Variants in DACH1 observed in about 807,000 individuals in gnomAD.
DACH1 encodes dachshund homolog 1.
Under a neutral mutation model 54.2 loss-of-function variants are expected in DACH1, and 12 were observed. That is an observed-to-expected ratio of 0.22 (90% CI 0.14 to 0.36). The LOEUF (loss-of-function observed/expected upper bound fraction) is 0.36, where lower values mean the gene tolerates loss of function less well. Among genes scored for constraint, DACH1 ranks in the 10% least tolerant of loss-of-function variants. DACH1 has a pLI of 1.00. For missense variants in DACH1, 805 were observed against 929.8 expected (o/e 0.87, Z 1.75); for synonymous variants, 386 against 366.2 (o/e 1.05, Z -0.62).
At chr13:71,453,123 G>A (rs908811737) in intron 10 of DACH1, among the ~76,000 whole-genome samples, 4 of 152,112 alleles carry the variant, frequency 2.6e-5, no homozygotes, top group Non-Finnish European at 5.9e-5. Context: ...GGGGTACTTT[G>A]CACTTAGGTT....
intron 6 of DACH1, among the ~76,000 whole-genome samples, chr13:71,546,652 A>T (rs1042523481): frequency 2.6e-5 from 4 of 151,990 alleles, no homozygotes; most frequent in African/African-American, 9.6e-5. Flanking sequence ...AATTAATTCA[A>T]TGAACTATCA....
At chr13:71,542,252 T>C (rs1883182730) in intron 6 of DACH1, among the ~76,000 whole-genome samples, 1 of 151,674 alleles carries the variant, frequency 6.6e-6, no homozygotes, top group Admixed American at 6.6e-5. Context: ...CCGTCTCAAA[T>C]AAATAAATAA....
chr13:71,659,965 T>C (rs1879385067), intron 2 of DACH1, among the ~76,000 whole-genome samples: 1 of 152,116 alleles, frequency 6.6e-6, no homozygotes, highest in African/African-American at 2.4e-5. Flanking sequence ...ATTATACAAT[T>C]TCAATTCAGT....
At chr13:71,679,348 G>A (rs1348919598) in intron 2 of DACH1, among the ~76,000 whole-genome samples, 1 of 152,100 alleles carries the variant, frequency 6.6e-6, no homozygotes, top group Admixed American at 6.5e-5. Flanking sequence ...ACTTGATGGT[G>A]TTAATTATGT....
At chr13:71,502,863 T>A (rs531626347) in intron 6 of DACH1, among the ~76,000 whole-genome samples, 23 of 152,348 alleles carry the variant, frequency 1.5e-4, no homozygotes, top group African/African-American at 5.3e-4. Flanking sequence ...GACTTCCCAT[T>A]GCACTTGGTG....
At chr13:71,443,720 G>A (rs914657402) in intron 10 of DACH1, among the ~76,000 whole-genome samples, 6 of 151,360 alleles carry the variant, frequency 4.0e-5, no homozygotes, top group African/African-American at 1.5e-4. Flanking sequence ...AGTCTAAAGG[G>A]ATTTTACCTC....
rs1341912982 is a variant in DACH1, at chr13:71,823,421, AT to A, written c.848+42500del. On this transcript the variant is annotated intron_variant, in intron 1 of 10. Coordinates refer to ENST00000613252, the MANE Select transcript of DACH1 (RefSeq NM_080759.6). ...CTTTAGAGAGCTATCGAGCTATGAA[AT>A]GAAAGGCCTCATAAAGACAAGTGAT... 3.3e-5 allele frequency among the ~76,000 whole-genome samples: 5 copies of A among 152,230 alleles called. No homozygotes were observed. The East Asian group carries it at 5.8e-4, about 18-fold the overall frequency.
chr13:71,462,324 T>A (rs984396511), intron 10 of DACH1, among the ~76,000 whole-genome samples: 2 of 151,906 alleles, frequency 1.3e-5, no homozygotes, highest in African/African-American at 4.8e-5. Context: ...TATTTTTTAT[T>A]CTGAAAGAGA....
intron 3 of DACH1, among the ~76,000 whole-genome samples, chr13:71,581,840 C>A (rs1872876267): frequency 6.6e-6 from 1 of 151,952 alleles, no homozygotes; most frequent in Non-Finnish European, 1.5e-5. Flanking sequence ...ACTCTGAATT[C>A]ACAATCCAAG....
chr13:71,618,554 A>G (rs1010790623), intron 3 of DACH1, among the ~76,000 whole-genome samples: 3 of 152,010 alleles, frequency 2.0e-5, no homozygotes, highest in Non-Finnish European at 1.5e-5. Context: ...TAAATTGATT[A>G]TATTCTATAA....
chr13:71,711,642 A>T lies in DACH1; in HGVS notation c.849-29732T>A, dbSNP rs534969465. ...ATCATTTGTAATCAAACCAGAATTA[A>T]TTTTTTTTAAAAAATCTATCCTTCA... On this transcript the variant is annotated intron_variant, in intron 1 of 10. Transcript: ENST00000613252. Among the ~76,000 whole-genome samples the T allele has an allele frequency of 3.3e-5, 5 of 152,136 alleles. No individual in the cohort carries two copies. In the South Asian group the frequency reaches 8.3e-4, roughly 25 times the overall value.
intron 3 of DACH1, among the ~76,000 whole-genome samples, chr13:71,619,255 A>G (rs1396992655): frequency 6.6e-6 from 1 of 151,990 alleles, no homozygotes; most frequent in African/African-American, 2.4e-5. Flanking sequence ...AAAATTCCTC[A>G]TGTATGTGTA....
At chr13:71,580,958 T>TGA (rs778896741) in intron 3 of DACH1, among the ~76,000 whole-genome samples, 20,751 of 152,134 alleles carry the variant, frequency 0.14, 1,562 homozygotes, top group Non-Finnish European at 0.16. Context: ...TTAGGGGTCT[T>TGA]CATTTTTTTC....
intron 1 of DACH1, among the ~76,000 whole-genome samples, chr13:71,799,603 G>A (rs575452410): frequency 1.3e-5 from 2 of 152,176 alleles, no homozygotes; most frequent in Non-Finnish European, 2.9e-5. Flanking sequence ...CAACCACTGT[G>A]TTGGCAAGAA....
chr13:71,817,006 C>T (rs1189017997), intron 1 of DACH1, among the ~76,000 whole-genome samples: 1 of 152,062 alleles, frequency 6.6e-6, no homozygotes, highest in Non-Finnish European at 1.5e-5. Flanking sequence ...AACAAACCCC[C>T]ATGACACAAG....
At chr13:71,821,671 T>A (rs997285545) in intron 1 of DACH1, among the ~76,000 whole-genome samples, 3 of 152,128 alleles carry the variant, frequency 2.0e-5, no homozygotes, top group Admixed American at 1.3e-4. Context: ...AATATACAAT[T>A]TTCATTTTTG....
chr13:71,779,897 C>A, intron 1 of DACH1, among the ~76,000 whole-genome samples: 1 of 152,038 alleles, frequency 6.6e-6, no homozygotes, highest in South Asian at 2.1e-4. Context: ...CTCTTTCCTA[C>A]TATATTGTGA....
chr13:71,740,875 A>T (rs117338650), intron 1 of DACH1, among the ~76,000 whole-genome samples: 1 of 152,216 alleles, frequency 6.6e-6, no homozygotes, highest in East Asian at 1.9e-4. Context: ...TCTCCTAAAC[A>T]TTTTTTTAAA....
chr13:71,633,186 G>A (rs1487442921), intron 2 of DACH1, among the ~76,000 whole-genome samples: 1 of 152,158 alleles, frequency 6.6e-6, no homozygotes, highest in Admixed American at 6.5e-5. Context: ...CAGGAACCAT[G>A]ACTATGCATG....
Sources: allele counts gnomAD v4.1 joint callset (sites outside exome capture counted in the v4.1 genomes callset), GRCh38; gene constraint gnomAD v4.1.1; transcripts MANE v1.5; gene names NCBI Gene and HGNC (gene_info 2026-07-23, HGNC 2026-07-21).